FAM135B: variants seen among roughly 807,000 people sequenced by gnomAD.
The protein encoded by FAM135B is family with sequence similarity 135 member B.
FAM135B carries 43 observed loss-of-function variants against 127.7 expected under a neutral mutation model. The observed-to-expected ratio is 0.34, with a 90% CI of 0.26 to 0.43. FAM135B has a LOEUF of 0.43. FAM135B is among the 20% of genes least tolerant of loss of function. FAM135B has a pLI of 1.00. For missense variants in FAM135B, 1,558 were observed against 1,725.6 expected (o/e 0.90, Z 1.72); for synonymous variants, 670 against 665.1 (o/e 1.01, Z -0.11).
intron 1 of FAM135B, among the ~76,000 whole-genome samples, chr8:138,400,210 G>A (rs1229213379): frequency 6.6e-6 from 1 of 152,182 alleles, no homozygotes; most frequent in Non-Finnish European, 1.5e-5. Flanking sequence ...TAATGCTGAA[G>A]CCAGAGTCGC....
chr8:138,152,999 C>T lies in FAM135B; in HGVS notation c.1476G>A (p.Met492Ile), dbSNP rs2130788274. 1 of 1,614,174 alleles carries T rather than the reference C, an allele frequency of 6.2e-7. No individual in the cohort carries two copies. Among genetic ancestry groups the T allele is most frequent in the Non-Finnish European group, 8.5e-7 (1 of 1,180,028 alleles). Residue 492 changes from methionine to isoleucine, a missense_variant, in exon 13 of 20, where the codon ATG becomes ATA. Met to Ile is a conservative substitution (Grantham distance 10). Transcript: ENST00000395297. ...ACACCTGAGATTCAGAGCACATGTC[C>T]ATATGATTTTGTGTGGCCACATTCT... is the stretch of plus-strand genomic sequence containing the variant. ...PGENVATQNH[M>I]DMCSESQVYI...
At chr8:138,309,549 G>T (rs1826506276) in intron 3 of FAM135B, among the ~76,000 whole-genome samples, 1 of 152,182 alleles carries the variant, frequency 6.6e-6, no homozygotes. Flanking sequence ...CTCTTCTCAT[G>T]TTCTATCATG....
intron 1 of FAM135B, among the ~76,000 whole-genome samples, chr8:138,443,600 G>C (rs921781636): frequency 6.6e-6 from 1 of 152,174 alleles, no homozygotes; most frequent in African/African-American, 2.4e-5. Context: ...AATTCACTCA[G>C]CAAGTGTTTA....
At chr8:138,294,327 C>G (rs1245449913) in intron 3 of FAM135B, among the ~76,000 whole-genome samples, 3 of 152,092 alleles carry the variant, frequency 2.0e-5, no homozygotes, top group Non-Finnish European at 4.4e-5. Context: ...GCTAAAATCT[C>G]AGACTTCACC....
At position 138,152,662 on chromosome 8, in the gene FAM135B, T is replaced by C; in HGVS notation, c.1813A>G (p.Ile605Val). 1 of 1,614,200 alleles carries C rather than the reference T, an allele frequency of 6.2e-7. No homozygotes were observed. Among genetic ancestry groups the C allele is most frequent in the Non-Finnish European group, 8.5e-7 (1 of 1,180,044 alleles). Reference protein sequence around the residue: ...VVVGGSHQNAISSDKTTLHEL... With the variant: ...VVVGGSHQNAVSSDKTTLHEL... ...TGGAGAGTTGTTTTGTCTGAAGAGA[T>C]GGCATTTTGGTGGCTTCCACCTACT... is the stretch of plus-strand genomic sequence containing the variant. Residue 605 changes from isoleucine to valine, a missense_variant, in exon 13 of 20, where the codon ATC becomes GTC. This residue lies in a region of FAM135B where 923 missense variants were observed against 865.3 expected (regional missense o/e 1.07). Transcript: ENST00000395297.
intron 2 of FAM135B, among the ~76,000 whole-genome samples, chr8:138,360,216 G>T (rs989151795): frequency 7.2e-5 from 11 of 152,182 alleles, no homozygotes; most frequent in African/African-American, 2.7e-4. Context: ...TCATTGTCAA[G>T]GACAAATGTT....
In FAM135B at chr8:138,155,567, C is replaced by A. The variant is rs548636523; in HGVS notation, c.1259-2351G>T. On this transcript the variant is annotated intron_variant, in intron 12 of 19. Coordinates refer to ENST00000395297, the MANE Select transcript of FAM135B (RefSeq NM_015912.4). ...AGGAGACCCATCTCATGTGCAGAGA[C>A]ACACATAGGCTCAAAATAAAGGGAT... Among the ~76,000 whole-genome samples, 195 of 152,158 alleles carry A rather than the reference C, an allele frequency of 1.3e-3. 6 individuals carry two copies. The East Asian group carries it at 0.034, about 27-fold the overall frequency.
chr8:138,478,644 A>C (rs1346103528), intron 1 of FAM135B, among the ~76,000 whole-genome samples: 1 of 152,130 alleles, frequency 6.6e-6, no homozygotes, highest in Non-Finnish European at 1.5e-5. Flanking sequence ...GGTGACCCTG[A>C]TCTCTAACTC....
chr8:138,277,091 C>T (rs1823885321), intron 3 of FAM135B, among the ~76,000 whole-genome samples: 1 of 152,166 alleles, frequency 6.6e-6, no homozygotes, highest in Non-Finnish European at 1.5e-5. Context: ...CCTGTGTCTG[C>T]AGCTCGAGTT....
At chr8:138,136,822 G>A (rs1166125762) in intron 19 of FAM135B, among the ~76,000 whole-genome samples, 1 of 152,094 alleles carries the variant, frequency 6.6e-6, no homozygotes. Context: ...GCTATTACTT[G>A]TCGAGGCTCC....
At chr8:138,423,253 C>A (rs1834628364) in intron 1 of FAM135B, among the ~76,000 whole-genome samples, 1 of 152,138 alleles carries the variant, frequency 6.6e-6, no homozygotes, top group Non-Finnish European at 1.5e-5. Context: ...TGTACTTTTA[C>A]CCTTTGAACC....
intron 9 of FAM135B, among the ~76,000 whole-genome samples, chr8:138,179,805 A>G (rs1303357940): frequency 4.6e-5 from 7 of 151,928 alleles, no homozygotes; most frequent in African/African-American, 1.7e-4. Flanking sequence ...GCAATCCTCC[A>G]ATCTCAACCT....
At chr8:138,435,711 A>G (rs995695586) in intron 1 of FAM135B, among the ~76,000 whole-genome samples, 2 of 152,200 alleles carry the variant, frequency 1.3e-5, no homozygotes, top group African/African-American at 4.8e-5. Flanking sequence ...AAAAAAACAC[A>G]TACAAATGAA....
chr8:138,335,151 T>G (rs371338753), intron 2 of FAM135B, among the ~76,000 whole-genome samples: 2 of 152,174 alleles, frequency 1.3e-5, no homozygotes, highest in African/African-American at 4.8e-5. Context: ...GAAAGTGCCA[T>G]GCCCAGCTCT....
chr8:138,149,877 G>T (rs554440557), intron 13 of FAM135B, among the ~76,000 whole-genome samples: 61 of 152,274 alleles, frequency 4.0e-4, no homozygotes, highest in African/African-American at 1.4e-3. Flanking sequence ...CCGTTAGACT[G>T]CAGGTACAAT....
chr8:138,446,605 T>C (rs1354466124), intron 1 of FAM135B, among the ~76,000 whole-genome samples: 1 of 152,128 alleles, frequency 6.6e-6, no homozygotes. Context: ...TAGCCATATG[T>C]AGAAAGCTGA....
intron 2 of FAM135B, among the ~76,000 whole-genome samples, chr8:138,322,412 T>C (rs931454249): frequency 6.6e-6 from 1 of 152,132 alleles, no homozygotes; most frequent in Non-Finnish European, 1.5e-5. Context: ...CTGAGTCAAT[T>C]TAGAGTCAAA....
chr8:138,191,342 C>T (rs962981495), intron 9 of FAM135B, among the ~76,000 whole-genome samples: 2 of 152,226 alleles, frequency 1.3e-5, no homozygotes, highest in Non-Finnish European at 2.9e-5. Flanking sequence ...ATACCACACA[C>T]TGGTCCATTG....
At chr8:138,175,669 T>C (rs73423910) in intron 11 of FAM135B, among the ~76,000 whole-genome samples, 9,691 of 152,300 alleles carry the variant, frequency 0.064, 560 homozygotes, top group East Asian at 0.17. Flanking sequence ...GTTTGTCCTT[T>C]GTCTGTTTTT....
Sources: allele counts gnomAD v4.1 joint callset (sites outside exome capture counted in the v4.1 genomes callset), GRCh38; gene constraint gnomAD v4.1.1; regional missense constraint gnomAD v4.1.1; transcripts MANE v1.5; gene names NCBI Gene and HGNC (gene_info 2026-07-23, HGNC 2026-07-21).